WASHC5: variants seen among roughly 807,000 people sequenced by gnomAD.
WASHC5 encodes WASH complex subunit strumpellin.
In WASHC5, 101 loss-of-function variants were observed where a neutral mutation model predicts 150.4. That is an observed-to-expected ratio of 0.67 (90% confidence interval 0.57 to 0.79). The LOEUF is 0.79. Among genes scored for constraint, WASHC5 ranks in the 30% least tolerant of loss-of-function variants. The probability of loss-of-function intolerance (pLI) is 0.00; values close to 1 mark genes in which losing one functional copy is unlikely to be tolerated. For synonymous variants in WASHC5, 467 were observed against 491.2 expected (o/e 0.95, Z 0.65); for missense variants, 1,195 against 1,396.3 (o/e 0.86, Z 2.30).
intron 9 of WASHC5, 78 bp downstream of exon 9, chr8:125,073,075 T>G: frequency 6.8e-7 from 1 of 1,466,848 alleles, no homozygotes; most frequent in Non-Finnish European, 9.6e-7. Context: ...GCTAAACCAC[T>G]CTGCATCGTG....
chr8:125,052,288 G>A (rs749955977), intron 17 of WASHC5, among the ~76,000 whole-genome samples: 4 of 152,134 alleles, frequency 2.6e-5, no homozygotes, highest in Admixed American at 2.0e-4. Context: ...TCTAAAGATC[G>A]CATGCGGCTC....
intron 9 of WASHC5, among the ~76,000 whole-genome samples, chr8:125,072,369 C>A (rs113675208): frequency 0.085 from 3,837 of 45,330 alleles, 388 homozygotes; most frequent in African/African-American, 0.27. Flanking sequence ...GGGGGGCGGG[C>A]TCTTATTTTA....
rs1214416109 is a variant in WASHC5 at position 125,072,335 on chromosome 8, T to TAAAA, written c.1150+814_1150+817dup. The stretch of plus-strand genomic sequence containing the variant: ...ACCTGGGGAACTTGAGATCCTGTCT[T>TAAAA]AAAAAAAAAAAAAAAGTGGGGGGGG... On this transcript the variant is annotated intron_variant, in intron 9 of 28. Transcript: ENST00000318410. 5.6e-4 allele frequency among the ~76,000 whole-genome samples: 39 copies of TAAAA among 69,884 alleles called. 1 individual carries two copies. The highest frequency in any genetic ancestry group is 2.8e-3 in the African/African-American group (37 of 13,306). 45.8% of individuals were successfully genotyped at this position (69,884 alleles called of 152,430 possible).
rs144988911 is a variant in WASHC5 at position 125,066,673 on chromosome 8, T to C, written c.1278+919A>G. Among the ~76,000 whole-genome samples the C allele has an allele frequency of 3.8e-3, 580 of 152,356 alleles. 3 individuals carry two copies. The highest frequency in any genetic ancestry group is 5.9e-3 in the Non-Finnish European group (400 of 68,040). Reference sequence around the variant, plus strand: ...AAGACCAAAGTCCTGCAAGGCCTAGTATGGGCTGACTCCTGCCTACCTTTC... The same window carrying C: ...AAGACCAAAGTCCTGCAAGGCCTAGCATGGGCTGACTCCTGCCTACCTTTC... On this transcript the variant is annotated intron_variant, in intron 10 of 28. Coordinates refer to ENST00000318410, the MANE Select transcript of WASHC5 (RefSeq NM_014846.4).
Position 125,073,195 on chromosome 8 carries a change from T to A in WASHC5, c.1108A>T (p.Asn370Tyr). The change falls in exon 9 of 29, where the codon AAT (asparagine) becomes TAT (tyrosine). Residue 370 changes from asparagine (N) to tyrosine (Y), a missense_variant. Around this residue, in one of 3 missense-constraint regions of WASHC5, gnomAD observed 997 missense variants for 1,168.1 expected, o/e 0.85. Transcript: ENST00000318410. Reference sequence around the variant, plus strand: ...AGCATCAGCCATCGGATGGCAACATTGCAGTCTCTCAGGCAGTTCAGAAGC... The same window carrying A: ...AGCATCAGCCATCGGATGGCAACATAGCAGTCTCTCAGGCAGTTCAGAAGC... ...PKLLNCLRDC[N>Y]VAIRWLMLHT... The A allele has an allele frequency of 6.2e-7, 1 of 1,614,172 alleles. No homozygotes were observed. The highest frequency in any genetic ancestry group is 8.5e-7 in the Non-Finnish European group (1 of 1,180,008).
At chr8:125,074,632 C>T (rs989406438) in intron 8 of WASHC5, among the ~76,000 whole-genome samples, 3 of 152,112 alleles carry the variant, frequency 2.0e-5, no homozygotes, top group Non-Finnish European at 4.4e-5. Flanking sequence ...ATTCAGTTAT[C>T]ATCTTCATCA....
At position 125,063,656 on chromosome 8, in the gene WASHC5, T is replaced by C. The variant is rs755134957; in HGVS notation, c.1279-5A>G. On this transcript the variant is annotated splice_polypyrimidine_tract_variant and splice_region_variant and intron_variant, in intron 10 of 28. Coordinates refer to ENST00000318410, the MANE Select transcript of WASHC5 (RefSeq NM_014846.4). The stretch of plus-strand genomic sequence containing the variant: ...TGAAAGCATTTGCTTGAACATCTGT[T>C]GAAGCAACAGAAAATATTTATTTAC... The C allele has an allele frequency of 5.6e-6, 9 of 1,613,398 alleles. No individual in the cohort carries two copies. The highest frequency in any genetic ancestry group is 1.1e-5 in the South Asian group (1 of 91,040).
rs1309180609 is a variant in WASHC5 at position 125,050,444 on chromosome 8, A to T, written c.2199+120T>A. The T allele has an allele frequency of 1.8e-5, 11 of 618,096 alleles. No individual in the cohort carries two copies. The South Asian group carries it at 2.3e-4, about 13-fold the overall frequency. The allele number at this position is 618,096 out of a possible 1,614,324, so 38.3% of individuals were successfully genotyped here. ...ATCAGTTGTTTGTGTTGAAAATCAC[A>T]TATTTGATATACGTTAGCTAGGAGG... On this transcript the variant is annotated intron_variant, in intron 18 of 28. Transcript: ENST00000318410.
intron 19 of WASHC5, among the ~76,000 whole-genome samples, chr8:125,048,576 C>T (rs903582431): frequency 1.3e-5 from 2 of 152,122 alleles, no homozygotes; most frequent in African/African-American, 4.8e-5. Flanking sequence ...CTGGAACCCT[C>T]GTACACTGCT....
At chr8:125,048,247 G>C (rs1816132515) in intron 19 of WASHC5, among the ~76,000 whole-genome samples, 1 of 152,134 alleles carries the variant, frequency 6.6e-6, no homozygotes, top group Non-Finnish European at 1.5e-5. Context: ...TTAAACTTTT[G>C]AAAATGTCAC....
At chr8:125,072,918 A>T (rs544689371) in intron 9 of WASHC5, among the ~76,000 whole-genome samples, 1 of 152,312 alleles carries the variant, frequency 6.6e-6, no homozygotes, top group Admixed American at 6.5e-5. Flanking sequence ...CTCCTTGAAC[A>T]TGAGAGATAA....
rs991931253 is a variant in WASHC5, at chr8:125,042,798, C to T, written c.2850+1027G>A. Among the ~76,000 whole-genome samples, 8 of 152,134 alleles carry T rather than the reference C, an allele frequency of 5.3e-5. No homozygotes were observed. In the South Asian group the frequency reaches 1.2e-3, roughly 24 times the overall value. On this transcript the variant is annotated intron_variant, in intron 23 of 28. Coordinates refer to ENST00000318410, the MANE Select transcript of WASHC5 (RefSeq NM_014846.4). ...GCTAGGGGAAGGCAGACCCACATCA[C>T]GAGAGGATATCTAGCAGAGCCATGG...
rs143786044 is a variant in WASHC5, at chr8:125,057,635, C to T, written c.1796G>A (p.Arg599His). 9 of 1,613,630 alleles carry T rather than the reference C, an allele frequency of 5.6e-6. No individual in the cohort carries two copies. Among genetic ancestry groups the T allele is most frequent in the South Asian group, 1.1e-5 (1 of 91,004 alleles). Residue 599 changes from arginine to histidine, a missense_variant, in exon 15 of 29, where the codon CGT (arginine) becomes CAT (histidine). Around this residue, in one of 3 missense-constraint regions of WASHC5, gnomAD observed 997 missense variants for 1,168.1 expected, o/e 0.85. Transcript: ENST00000318410. ...LASALDLPLL[R>H]INQANSPDLL... ...GTCGGGGCTATTTGCCTGATTAATA[C>T]GAAGAAGGGGCAGATCGAGGGCAGA...
At chr8:125,047,057 G>A (rs1330021038) in intron 20 of WASHC5, 150 bp downstream of exon 20, 1 of 895,166 alleles carries the variant, frequency 1.1e-6, no homozygotes, top group Non-Finnish European at 1.8e-6. Flanking sequence ...CTGCAGCGCA[G>A]GGGTTAGGGA....
intron 22 of WASHC5, 43 bp from the exon 23 acceptor site, chr8:125,043,947 A>G: frequency 6.5e-7 from 1 of 1,545,260 alleles, no homozygotes. Context: ...ACATTCGTAA[A>G]GGCTACAGTG....
chr8:125,050,665 C>A lies in WASHC5; in HGVS notation c.2098G>T (p.Val700Leu), dbSNP rs777613204. 1.2e-6 allele frequency: 2 copies of A among 1,611,836 alleles called. No individual in the cohort carries two copies. The highest frequency in any genetic ancestry group is 1.7e-6 in the Non-Finnish European group (2 of 1,178,008). ...TCTTCCAGCAACTGCTTTGGATCCA[C>A]CTAAGTGCCAATCAAAAGTATTAAA... is the stretch of plus-strand genomic sequence containing the variant. Reference protein sequence around the residue: ...MKTTLVGIIKVDPKQLLEDGI... With the variant: ...MKTTLVGIIKLDPKQLLEDGI... Residue 700 changes from valine (V) to leucine (L), a missense_variant and splice_region_variant, in exon 18 of 29, where the codon GTG (valine) becomes TTG (leucine). Val to Leu is a conservative substitution (Grantham distance 32, BLOSUM62 1). Around this residue, in one of 3 missense-constraint regions of WASHC5, gnomAD observed 997 missense variants for 1,168.1 expected, o/e 0.85. Transcript: ENST00000318410.
intron 27 of WASHC5, among the ~76,000 whole-genome samples, chr8:125,029,199 T>C (rs1176493501): frequency 2.6e-5 from 4 of 152,102 alleles, no homozygotes; most frequent in Non-Finnish European, 4.4e-5. Flanking sequence ...GCCTGGCTAA[T>C]TTTTTGTATT....
chr8:125,081,534 C>T (rs116620366), intron 5 of WASHC5, 127 bp downstream of exon 5: 89 of 726,796 alleles, frequency 1.2e-4, no homozygotes, highest in Middle Eastern at 1.2e-3. Context: ...CCACTGTGCC[C>T]GGCTGAATCG....
At chr8:125,058,731 AAAGAAG>A (rs920677853) in intron 14 of WASHC5, among the ~76,000 whole-genome samples, 1 of 122,756 alleles carries the variant, frequency 8.1e-6, no homozygotes, top group Non-Finnish European at 1.5e-5. Flanking sequence ...TCAAAAAAAA[AAAGAAG>A]AAGAAGAAGA....
Sources: gnomAD v4.1 joint callset for allele counts (sites outside exome capture counted in the v4.1 genomes callset) on GRCh38, gnomAD v4.1.1 for gene constraint, gnomAD v4.1.1 regional missense constraint, MANE v1.5 for transcripts, NCBI Gene and HGNC (gene_info 2026-07-23, HGNC 2026-07-21) for gene names.